The following RYR2 variants were observed in gnomAD, a reference collection of about 807,000 sequenced individuals.
The protein encoded by RYR2 is cardiac muscle ryanodine receptor-calcium release channel.
A neutral mutation model predicts 601.1 loss-of-function variants in RYR2; 227 were observed. The ratio of observed to expected loss-of-function variants is 0.38; its 90% confidence interval spans 0.34 to 0.42. The LOEUF is 0.42. Ranked by LOEUF, RYR2 falls within the 10% of genes least tolerant of loss-of-function variation. The pLI is 1.00. For synonymous variants in RYR2, 2,223 were observed against 2,175.1 expected (o/e 1.02, Z -0.61); for missense variants, 4,646 against 6,156.5 (o/e 0.75, Z 8.21).
chr1:237,813,291 T>G (rs1462586274), intron 100 of RYR2, among the ~76,000 whole-genome samples: 1 of 152,194 alleles, frequency 6.6e-6, no homozygotes, highest in Admixed American at 6.5e-5. Flanking sequence ...AATCTCAATA[T>G]CTACCAGCCT....
chr1:237,265,592 G>T (rs568818573), intron 1 of RYR2, among the ~76,000 whole-genome samples: 25 of 152,288 alleles, frequency 1.6e-4, no homozygotes, highest in Admixed American at 1.1e-3. Context: ...AAAGTGCTGG[G>T]ATTACAGGTG....
At chr1:237,066,970 G>T (rs776914338) in intron 1 of RYR2, among the ~76,000 whole-genome samples, 6 of 152,110 alleles carry the variant, frequency 3.9e-5, no homozygotes, top group Non-Finnish European at 8.8e-5. Flanking sequence ...GTCTTTTCAT[G>T]TCGTTTGCCT....
chr1:237,780,169 A>C (rs1694980215), intron 88 of RYR2, among the ~76,000 whole-genome samples: 2 of 152,214 alleles, frequency 1.3e-5, no homozygotes, highest in African/African-American at 4.8e-5. Flanking sequence ...ACCAAAGTTG[A>C]GGCCAAGTTG....
chr1:237,445,909 T>C (rs532561235), intron 14 of RYR2, among the ~76,000 whole-genome samples: 1 of 152,070 alleles, frequency 6.6e-6, no homozygotes, highest in South Asian at 2.1e-4. Context: ...CTCTGCCTCC[T>C]GGGTTCAAGC....
In RYR2 at chr1:237,591,785, G is replaced by A. The variant is rs1675229503; in HGVS notation, c.4207G>A (p.Ala1403Thr). 1.9e-6 allele frequency: 3 copies of A among 1,613,664 alleles called. No individual in the cohort carries two copies. Among genetic ancestry groups the A allele is most frequent in the Non-Finnish European group, 2.5e-6 (3 of 1,179,780 alleles). Residue 1403 changes from alanine to threonine, a missense_variant, in exon 32 of 105, where the codon GCA becomes ACA. Ala to Thr is a moderately conservative substitution (Grantham distance 58). Transcript: ENST00000366574. ...TKPDYSTSHSARLTEDVLADD... is the reference protein window; with the variant it reads ...TKPDYSTSHSTRLTEDVLADD... ...GCCAGATTACAGCACAAGCCATTCT[G>A]CAAGACTCACCGAAGATGTCCTTGC... is the stretch of plus-strand genomic sequence containing the variant.
At chr1:237,586,329 A>G (rs531092592) in intron 29 of RYR2, among the ~76,000 whole-genome samples, 2 of 152,320 alleles carry the variant, frequency 1.3e-5, no homozygotes, top group African/African-American at 4.8e-5. Flanking sequence ...AATTATTCTC[A>G]GGAATAGATT....
In RYR2 at chr1:237,110,547, A is replaced by T. The variant is rs138060911; in HGVS notation, c.48+67978A>T. ...TTTTTGTCCTTTCGATAGTTTGCTG[A>T]GAATGATGGTTTCCAGTTTCATCCA... On this transcript the variant is annotated intron_variant, in intron 1 of 104. Transcript: ENST00000366574. 7.7e-3 allele frequency among the ~76,000 whole-genome samples: 1,175 copies of T among 151,958 alleles called. 14 individuals carry two copies. Among genetic ancestry groups the T allele is most frequent in the Non-Finnish European group, 0.01 (695 of 68,012 alleles).
At chr1:237,716,276 A>G (rs1482951008) in intron 71 of RYR2, among the ~76,000 whole-genome samples, 2 of 152,116 alleles carry the variant, frequency 1.3e-5, no homozygotes, top group Non-Finnish European at 2.9e-5. Flanking sequence ...TCATTTGTAT[A>G]TTAAATTCTA....
In RYR2 at chr1:237,641,467, G is replaced by GTCTTTCTTTCTTTCTT. The variant is rs1490727758; in HGVS notation, c.7221+468_7221+469insTTCTTTCTTTCTTTCT. Among the ~76,000 whole-genome samples the GTCTTTCTTTCTTTCTT allele has an allele frequency of 3.4e-3, 394 of 117,218 alleles. 8 individuals carry two copies. Among genetic ancestry groups the GTCTTTCTTTCTTTCTT allele is most frequent in the African/African-American group, 0.013 (351 of 27,812 alleles). 76.9% of individuals were successfully genotyped at this position (117,218 alleles called of 152,430 possible). ...ATTTAGACCATATAAATTAGTGTCT[G>GTCTTTCTTTCTTTCTT]TCTGTCTTTCTTTCTTTCTTTCTTT... On this transcript the variant is annotated intron_variant, in intron 47 of 104. Coordinates refer to ENST00000366574, the MANE Select transcript of RYR2 (RefSeq NM_001035.3).
At chr1:237,091,424 T>TTA (rs1194287783) in intron 1 of RYR2, among the ~76,000 whole-genome samples, 1 of 141,108 alleles carries the variant, frequency 7.1e-6, no homozygotes, top group Non-Finnish European at 1.5e-5. Flanking sequence ...TTCTTTCTTT[T>TTA]TTTTGGGGGG....
chr1:237,644,293 C>T (rs534128971), intron 48 of RYR2, among the ~76,000 whole-genome samples: 3 of 152,062 alleles, frequency 2.0e-5, no homozygotes, highest in South Asian at 2.1e-4. Context: ...AGTGCAGTGG[C>T]GCGATCTTGG....
intron 1 of RYR2, among the ~76,000 whole-genome samples, chr1:237,127,108 C>A (rs1284248713): frequency 6.6e-6 from 1 of 151,666 alleles, no homozygotes; most frequent in East Asian, 1.9e-4. Context: ...GGGGTAAGGT[C>A]ACAGATCAAC....
chr1:237,511,829 TC>T, intron 24 of RYR2, 38 bp downstream of exon 24: 1 of 335,420 alleles, frequency 3.0e-6, no homozygotes, highest in Non-Finnish European at 4.9e-6. Flanking sequence ...CAACCTGCCT[TC>T]CCTGAAAAAA....
rs537273441 is a variant in RYR2 at position 237,667,859 on chromosome 1, G to A, written c.8515-24G>A. 7.6e-5 allele frequency: 115 copies of A among 1,522,968 alleles called. No homozygotes were observed. The African/African-American group carries it at 1.4e-3, about 19-fold the overall frequency. The allele number at this position is 1,522,968 out of a possible 1,614,324, so 94.3% of individuals were successfully genotyped here. A position where few individuals can be genotyped will look rare whatever the true frequency, so the allele number is the denominator to read the frequency against. ...ATTATCCTTTTTTACTTATTGAAAC[G>A]ATAAATATTTTTGTTCATTTAAGGC... On this transcript the variant is annotated intron_variant, in intron 57 of 104. Transcript: ENST00000366574.
At chr1:237,244,083 T>G (rs2149245868) in intron 1 of RYR2, among the ~76,000 whole-genome samples, 1 of 152,230 alleles carries the variant, frequency 6.6e-6, no homozygotes, top group East Asian at 1.9e-4. Flanking sequence ...TCAATTGAAC[T>G]GACAGTCTGG....
At chr1:237,072,965 C>A (rs5781931) in intron 1 of RYR2, among the ~76,000 whole-genome samples, 4,587 of 97,200 alleles carry the variant, frequency 0.047, 148 homozygotes, top group African/African-American at 0.084. Flanking sequence ...AAAAAAAAAA[C>A]AAAAACTCAT....
At chr1:237,689,022 G>C (rs1263050983) in intron 63 of RYR2, among the ~76,000 whole-genome samples, 1 of 152,076 alleles carries the variant, frequency 6.6e-6, no homozygotes, top group Non-Finnish European at 1.5e-5. Flanking sequence ...CAGCACTTTG[G>C]GATGTCGTGG....
intron 2 of RYR2, among the ~76,000 whole-genome samples, chr1:237,289,157 G>A (rs890893251): frequency 1.1e-4 from 16 of 152,118 alleles, no homozygotes; most frequent in African/African-American, 3.9e-4. Context: ...TTTTAGGGGG[G>A]TCTCCCGGGT....
chr1:237,695,943 C>T lies in RYR2; in HGVS notation c.9068-3022C>T, dbSNP rs78393535. Among the ~76,000 whole-genome samples, 1,237 of 152,154 alleles carry T rather than the reference C, an allele frequency of 8.1e-3. 16 individuals carry two copies. The highest frequency in any genetic ancestry group is 0.028 in the African/African-American group (1,180 of 41,518). Reference sequence around the variant, plus strand: ...TAGCAATCACAGAAATTTCATATTCCCAATACACAGTTTCAGTCAACCCAC... The same window carrying T: ...TAGCAATCACAGAAATTTCATATTCTCAATACACAGTTTCAGTCAACCCAC... On this transcript the variant is annotated intron_variant, in intron 63 of 104. Coordinates refer to ENST00000366574, the MANE Select transcript of RYR2 (RefSeq NM_001035.3).
Sources: allele counts gnomAD v4.1 joint callset (sites outside exome capture counted in the v4.1 genomes callset), GRCh38; gene constraint gnomAD v4.1.1; transcripts MANE v1.5; gene names NCBI Gene and HGNC (gene_info 2026-07-23, HGNC 2026-07-21).